The following RGS12 variants were observed in gnomAD, a reference collection of about 807,000 sequenced individuals.
RGS12 encodes the protein regulator of G-protein signaling 12.
Under a neutral mutation model 120.1 loss-of-function variants are expected in RGS12, and 66 were observed. The observed-to-expected ratio is 0.55, with a 90% CI of 0.45 to 0.67. The LOEUF is 0.67. RGS12 is among the 30% of genes least tolerant of loss of function. The pLI is 0.00. For missense variants in RGS12, 1,859 were observed against 1,957.7 expected (o/e 0.95, Z 0.95); for synonymous variants, 827 against 804.7 (o/e 1.03, Z -0.47).
chr4:3,428,484 A>G (rs986495075), intron 15 of RGS12, 74 bp from the exon 16 acceptor site: 5 of 1,289,194 alleles, frequency 3.9e-6, no homozygotes, highest in Non-Finnish European at 5.4e-6. Context: ...AGAGCCTTCT[A>G]CTCTCTAACT....
Position 3,429,757 on chromosome 4 carries a change from G to A in RGS12, c.3566-650G>A, listed in dbSNP as rs3804347. Among the ~76,000 whole-genome samples, 408 of 152,324 alleles carry A rather than the reference G, an allele frequency of 2.7e-3. 1 individual carries two copies. Among genetic ancestry groups the A allele is most frequent in the African/African-American group, 9.2e-3 (382 of 41,568 alleles). ...GGCAGTGGGAGGCCCAGGGGCACCC[G>A]TCCTGGCCCCTCGGGGCTGTGGAGC... On this transcript the variant is annotated intron_variant, in intron 16 of 17. Transcript: ENST00000336727.
At chr4:3,430,380 C>T (rs773353273) in intron 16 of RGS12, 27 bp from the exon 17 acceptor site, 40 of 1,581,910 alleles carry the variant, frequency 2.5e-5, no homozygotes, top group East Asian at 1.3e-4. Flanking sequence ...CTCTAAAACA[C>T]GGTCACTCTG....
At chr4:3,333,124 C>T (rs979411575) in intron 2 of RGS12, among the ~76,000 whole-genome samples, 3 of 151,762 alleles carry the variant, frequency 2.0e-5, no homozygotes, top group Non-Finnish European at 4.4e-5. Context: ...TCTCGGCTCA[C>T]TGCAGGCTCC....
At chr4:3,424,845 C>A (rs542194233) in intron 13 of RGS12, among the ~76,000 whole-genome samples, 1 of 152,378 alleles carries the variant, frequency 6.6e-6, no homozygotes, top group Admixed American at 6.5e-5. Flanking sequence ...CCCGCAGGGC[C>A]CACCACGCCT....
Position 3,333,051 on chromosome 4 carries a change from CT to C in RGS12, c.1882-9869del, listed in dbSNP as rs557032927. Among the ~76,000 whole-genome samples, 462 of 124,982 alleles carry C rather than the reference CT, an allele frequency of 3.7e-3. 2 individuals are homozygous for C. Among genetic ancestry groups the C allele is most frequent in the African/African-American group, 7.0e-3 (230 of 32,920 alleles). 82.0% of individuals were successfully genotyped at this position (124,982 alleles called of 152,430 possible). A position where few individuals can be genotyped will look rare whatever the true frequency, so the allele number is the denominator to read the frequency against. ...ATGTTGGTCAGGCTGGTCTCAAACT[CT>C]TTTTTTTTTTTTTTTTGAGACGGAG... On this transcript the variant is annotated intron_variant, in intron 2 of 17. Transcript: ENST00000336727.
the RGS12 span, among the ~76,000 whole-genome samples, chr4:3,285,891 G>A: frequency 5.9e-5 from 9 of 152,218 alleles, no homozygotes; most frequent in Admixed American, 2.6e-4. Context: ...GCAGGGCTCC[G>A]TAGACTCCTT....
At position 3,301,271 on chromosome 4, in the gene RGS12, C is replaced by T. The variant is rs372573961; in HGVS notation, c.-102+8172C>T. ...ACAGGTGCACAGCTTGTCCTTAACA[C>T]GCTTGGTGCTGAAGAGGCTCACAGT... On this transcript the variant is annotated intron_variant, in intron 1 of 17. Transcript: ENST00000336727. Among the ~76,000 whole-genome samples the T allele has an allele frequency of 2.0e-4, 30 of 152,322 alleles. No individual in the cohort carries two copies. The East Asian group carries it at 5.2e-3, about 27-fold the overall frequency.
At chr4:3,370,234 G>A (rs369407000) in intron 3 of RGS12, 53 of 1,613,280 alleles carry the variant, frequency 3.3e-5, no homozygotes, top group Non-Finnish European at 4.4e-5. Context: ...GTGTGTCTTA[G>A]ACCCGGGTGC....
intron 9 of RGS12, 53 bp downstream of exon 9, chr4:3,417,594 C>T (rs565366384): frequency 1.3e-5 from 20 of 1,581,754 alleles, no homozygotes; most frequent in Middle Eastern, 1.7e-4. Flanking sequence ...GCCGCGTCCC[C>T]GTCCTGGCGT....
intron 2 of RGS12, among the ~76,000 whole-genome samples, chr4:3,319,339 T>G (rs1234202802): frequency 6.6e-6 from 1 of 152,252 alleles, no homozygotes; most frequent in Non-Finnish European, 1.5e-5. Flanking sequence ...TTTCTCGTTT[T>G]ATCTCCTCAA....
chr4:3,333,706 A>G (rs1395916492), intron 2 of RGS12, among the ~76,000 whole-genome samples: 1 of 152,140 alleles, frequency 6.6e-6, no homozygotes, highest in African/African-American at 2.4e-5. Context: ...ATCCCCACCT[A>G]TACTTTAAAA....
chr4:3,382,993 A>G (rs981992970), intron 3 of RGS12, among the ~76,000 whole-genome samples: 7 of 151,982 alleles, frequency 4.6e-5, no homozygotes, highest in African/African-American at 1.7e-4. Flanking sequence ...TGGGTTTTTC[A>G]TAGTGAACTC....
At chr4:3,337,311 G>T (rs7668784) in intron 2 of RGS12, among the ~76,000 whole-genome samples, 38,899 of 152,130 alleles carry the variant, frequency 0.26, 4,952 homozygotes, top group South Asian at 0.31. Context: ...CAGTGTGGTG[G>T]CTCCTCAAAA....
At chr4:3,400,366 A>T (rs1226456383) in intron 4 of RGS12, among the ~76,000 whole-genome samples, 1 of 152,202 alleles carries the variant, frequency 6.6e-6, no homozygotes, top group African/African-American at 2.4e-5. Context: ...CCCACCATTC[A>T]TTCAACAGTG....
At chr4:3,369,936 A>G (rs911140457) in intron 3 of RGS12, 5 of 991,180 alleles carry the variant, frequency 5.0e-6, no homozygotes, top group Admixed American at 4.7e-5. Flanking sequence ...GATGCTAAAA[A>G]AAACAAATTC....
intron 3 of RGS12, among the ~76,000 whole-genome samples, chr4:3,371,662 A>G (rs1717004542): frequency 6.6e-6 from 1 of 152,172 alleles, no homozygotes; most frequent in Admixed American, 6.5e-5. Context: ...AGTCAGAGGC[A>G]CAGCGGGTGG....
At chr4:3,393,965 A>G (rs539173364) in intron 4 of RGS12, among the ~76,000 whole-genome samples, 2 of 152,220 alleles carry the variant, frequency 1.3e-5, no homozygotes, top group East Asian at 1.9e-4. Flanking sequence ...TGCTGGGTCT[A>G]TGGGGAAATG....
intron 17 of RGS12, among the ~76,000 whole-genome samples, chr4:3,436,007 G>C (rs1028599932): frequency 1.3e-5 from 2 of 152,054 alleles, no homozygotes; most frequent in Non-Finnish European, 1.5e-5. Context: ...TGTGCACCCT[G>C]CTGGGCGCTG....
intron 1 of RGS12, among the ~76,000 whole-genome samples, chr4:3,310,687 G>A (rs952232699): frequency 6.6e-6 from 1 of 152,112 alleles, no homozygotes; most frequent in African/African-American, 2.4e-5. Flanking sequence ...GATGAGGTGG[G>A]AGGGGGGTGC....
Sources: allele counts gnomAD v4.1 joint callset (sites outside exome capture counted in the v4.1 genomes callset), GRCh38; gene constraint gnomAD v4.1.1; transcripts MANE v1.5; gene names NCBI Gene and HGNC (gene_info 2026-07-23, HGNC 2026-07-21).